The following GSTCD variants were observed in gnomAD, a reference collection of about 807,000 sequenced individuals.
GSTCD encodes glutathione S-transferase C-terminal domain containing, also known as glutathione S-transferase C-terminal domain-containing protein.
In GSTCD, 44 loss-of-function variants were observed where a neutral mutation model predicts 68.3. The ratio of observed to expected loss-of-function variants is 0.64; its 90% CI spans 0.51 to 0.83. The LOEUF is 0.83. GSTCD is among the 40% of genes least tolerant of loss of function. The pLI, the probability that GSTCD is intolerant of heterozygous loss-of-function variation, is 0.00. For missense variants in GSTCD, 739 were observed against 735.9 expected (o/e 1.00, Z -0.05); for synonymous variants, 273 against 255.2 (o/e 1.07, Z -0.67).
intron 5 of GSTCD, among the ~76,000 whole-genome samples, chr4:105,754,903 A>C (rs1378876296): frequency 2.0e-5 from 3 of 151,862 alleles, no homozygotes; most frequent in African/African-American, 4.8e-5. Flanking sequence ...TGTAAAAGGC[A>C]ATATTACAGA....
At chr4:105,753,502 A>G (rs1048540798) in intron 5 of GSTCD, among the ~76,000 whole-genome samples, 1 of 152,036 alleles carries the variant, frequency 6.6e-6, no homozygotes, top group African/African-American at 2.4e-5. Flanking sequence ...CTGTACATGT[A>G]CAGACTTTTT....
chr4:105,808,599 G>A (rs1288876117), intron 5 of GSTCD, among the ~76,000 whole-genome samples: 1 of 152,028 alleles, frequency 6.6e-6, no homozygotes, highest in African/African-American at 2.4e-5. Context: ...TTTGCATACT[G>A]TAGCCCCTGG....
intron 5 of GSTCD, 38 bp downstream of exon 5, chr4:105,729,537 T>C (rs1214129656): frequency 3.3e-5 from 45 of 1,352,808 alleles, no homozygotes; most frequent in Non-Finnish European, 4.6e-5. Context: ...ATTCATACTT[T>C]GGATACTGTC....
rs548754565 is a variant in GSTCD, at chr4:105,809,011, G to A, written c.1241-13943G>A. ...ATGATGCTGACAGTTTGGATATGCC[G>A]AAGAGAAGCTATAAAGTGCAAGCAT... On this transcript the variant is annotated intron_variant, in intron 5 of 11. Coordinates refer to ENST00000515279, the MANE Select transcript of GSTCD (RefSeq NM_001370181.1). Among the ~76,000 whole-genome samples, 4 of 152,140 alleles carry A rather than the reference G, an allele frequency of 2.6e-5. No individual in the cohort carries two copies. In the South Asian group the frequency reaches 6.2e-4, roughly 24 times the overall value.
intron 5 of GSTCD, among the ~76,000 whole-genome samples, chr4:105,750,475 A>AAAAAG (rs1553959788): frequency 6.6e-6 from 1 of 151,804 alleles, no homozygotes; most frequent in African/African-American, 2.4e-5. Context: ...AAAAAAAAAA[A>AAAAAG]AAAAGAAAAG....
At chr4:105,726,537 C>T in intron 3 of GSTCD, 42 bp from the exon 4 acceptor site, 3 of 1,326,006 alleles carry the variant, frequency 2.3e-6, no homozygotes, top group Non-Finnish European at 3.1e-6. Context: ...CTATTATAAA[C>T]AAAATATATA....
In GSTCD at chr4:105,837,841, CT is replaced by C. The variant is rs771134929; in HGVS notation, c.1665-10del. 1.4e-4 allele frequency: 138 copies of C among 1,013,450 alleles called. No homozygotes were observed. The highest frequency in any genetic ancestry group is 2.4e-4 in the Admixed American group (9 of 36,890). 62.8% of individuals were successfully genotyped at this position (1,013,450 alleles called of 1,614,324 possible). ...TAATATTTAGAATGATGACTAATTC[CT>C]TTTTTTTCTATTTCAGTGAACAATT... On this transcript the variant is annotated splice_polypyrimidine_tract_variant and intron_variant, in intron 9 of 11. Coordinates refer to ENST00000515279, the MANE Select transcript of GSTCD (RefSeq NM_001370181.1).
chr4:105,820,520 T>A (rs1423500212), intron 5 of GSTCD: 2 of 151,822 alleles, frequency 1.3e-5, no homozygotes, highest in Non-Finnish European at 3.0e-5. Context: ...TAATACTGTA[T>A]CCCAAAATAC....
chr4:105,731,179 T>C (rs1733226206), intron 5 of GSTCD, among the ~76,000 whole-genome samples: 1 of 152,210 alleles, frequency 6.6e-6, no homozygotes, highest in Non-Finnish European at 1.5e-5. Context: ...TCTCCAGCTT[T>C]GTTCTTTTGG....
chr4:105,797,459 A>G (rs1057276812), intron 5 of GSTCD, among the ~76,000 whole-genome samples: 8 of 152,184 alleles, frequency 5.3e-5, no homozygotes, highest in East Asian at 1.9e-4. Context: ...CCATTGTGCA[A>G]TAGCATTATG....
chr4:105,800,891 A>AAT (rs1736081792), intron 5 of GSTCD, among the ~76,000 whole-genome samples: 1 of 152,106 alleles, frequency 6.6e-6, no homozygotes, highest in African/African-American at 2.4e-5. Flanking sequence ...CATCTTATTT[A>AAT]ATATATATAG....
intron 5 of GSTCD, among the ~76,000 whole-genome samples, chr4:105,735,583 C>A (rs1733434137): frequency 6.6e-6 from 1 of 152,134 alleles, no homozygotes; most frequent in Admixed American, 6.5e-5. Context: ...CACCGCTTCC[C>A]TTGGCTAGGA....
rs1342948018 is a variant in GSTCD, at chr4:105,717,997, A to G, written c.384A>G (p.Glu128=). 1 of 1,609,594 alleles carries G rather than the reference A, an allele frequency of 6.2e-7. No homozygotes were observed. Among genetic ancestry groups the G allele is most frequent in the South Asian group, 1.1e-5 (1 of 90,162 alleles). ...EADPLKKELL[E]LLGFKKTCLK... is the part of the protein sequence containing the mutation. The stretch of plus-strand genomic sequence containing the variant: ...ACCCCTTAAAGAAGGAACTTTTGGA[A>G]CTTCTGGGCTTTAAAAAGACTTGCT... The change falls in exon 2 of 12, where the codon GAA becomes GAG. Residue 128 remains glutamate, a synonymous_variant. Transcript: ENST00000515279.
chr4:105,767,404 A>G (rs946085172), intron 5 of GSTCD, among the ~76,000 whole-genome samples: 4 of 152,204 alleles, frequency 2.6e-5, no homozygotes, highest in Admixed American at 2.6e-4. Context: ...AACCAATTTT[A>G]CTGACTTTTA....
At position 105,834,473 on chromosome 4, in the gene GSTCD, G is replaced by A; in HGVS notation, c.1543G>A (p.Ala515Thr). 2 of 1,613,928 alleles carry A rather than the reference G, an allele frequency of 1.2e-6. No individual in the cohort carries two copies. The highest frequency in any genetic ancestry group is 1.7e-6 in the Non-Finnish European group (2 of 1,179,920). Residue 515 changes from alanine (A) to threonine (T), a missense_variant, in exon 9 of 12, where the codon GCT becomes ACT. By Grantham distance (58) the Ala-to-Thr change is moderately conservative. Coordinates refer to ENST00000515279, the MANE Select transcript of GSTCD (RefSeq NM_001370181.1). ...GMFNIGVALH[A>T]CGVATDMVIE... ...TTTTATTTTGTAGGTAGCATTGCAT[G>A]CTTGTGGAGTGGCAACAGACATGGT...
At chr4:105,781,067 C>T (rs1360450420) in intron 5 of GSTCD, among the ~76,000 whole-genome samples, 1 of 152,174 alleles carries the variant, frequency 6.6e-6, no homozygotes, top group South Asian at 2.1e-4. Context: ...ATTTACCTCA[C>T]ATTCTTAAGT....
In GSTCD at chr4:105,726,468, G is replaced by A. The variant is rs188534327; in HGVS notation, c.895-111G>A. ...CTGGATACATTTACTACAACTCATT[G>A]TTTGAACTATACACTTAAATGTGTG... On this transcript the variant is annotated intron_variant, in intron 3 of 11. Transcript: ENST00000515279. 48 of 667,584 alleles carry A rather than the reference G, an allele frequency of 7.2e-5. No individual in the cohort carries two copies. In the East Asian group the frequency reaches 1.2e-3, roughly 16 times the overall value. The allele number at this position is 667,584 out of a possible 1,614,324, so 41.4% of individuals were successfully genotyped here.
chr4:105,753,964 A>ATT (rs565363265), intron 5 of GSTCD, among the ~76,000 whole-genome samples: 4 of 147,730 alleles, frequency 2.7e-5, no homozygotes, highest in Admixed American at 6.8e-5. Flanking sequence ...AACTTTCAAG[A>ATT]TTTTTTTTTT....
chr4:105,814,336 G>C (rs1722881099), intron 5 of GSTCD, among the ~76,000 whole-genome samples: 1 of 152,198 alleles, frequency 6.6e-6, no homozygotes, highest in Admixed American at 6.5e-5. Flanking sequence ...CTGCTGGCCA[G>C]GCGTGGTGGC....
Sources: allele counts gnomAD v4.1 joint callset (sites outside exome capture counted in the v4.1 genomes callset), GRCh38; gene constraint gnomAD v4.1.1; transcripts MANE v1.5; gene names NCBI Gene and HGNC (gene_info 2026-07-23, HGNC 2026-07-21).